NWD1: variants seen among roughly 807,000 people sequenced by gnomAD.
NWD1 encodes NACHT domain- and WD repeat-containing protein 1.
Under a neutral mutation model 135.1 loss-of-function variants are expected in NWD1, and 129 were observed. The ratio of observed to expected loss-of-function variants is 0.96; its 90% confidence interval spans 0.83 to 1.11. NWD1 has a LOEUF of 1.11. NWD1 is among the 50% of genes least tolerant of loss of function. The pLI, the probability that NWD1 is intolerant of heterozygous loss-of-function variation, is 0.00. For missense variants in NWD1, 1,740 were observed against 1,851.3 expected (o/e 0.94, Z 1.10); for synonymous variants, 773 against 786.0 (o/e 0.98, Z 0.28).
chr19:16,789,811 A>G (rs1159260844), intron 13 of NWD1, among the ~76,000 whole-genome samples: 1 of 142,136 alleles, frequency 7.0e-6, no homozygotes, highest in African/African-American at 2.7e-5. Flanking sequence ...TCCACCTCCC[A>G]GGTTGAAGTG....
At chr19:16,760,911 G>A (rs7253335) in intron 7 of NWD1, among the ~76,000 whole-genome samples, 6,752 of 152,212 alleles carry the variant, frequency 0.044, 489 homozygotes, top group African/African-American at 0.15. Flanking sequence ...GTTGACAATT[G>A]AGTGGTATTT....
Position 16,804,575 on chromosome 19 carries a change from A to G in NWD1, c.3737-3011A>G, listed in dbSNP as rs539165411. ...ATGCCACTGCACTCCAGCCTGGGCA[A>G]CAGAGACCCTGTCTCTCTGTTTTTT... On this transcript the variant is annotated intron_variant, in intron 17 of 18. Transcript: ENST00000524140. Among the ~76,000 whole-genome samples, 62 of 151,796 alleles carry G rather than the reference A, an allele frequency of 4.1e-4. No homozygotes were observed. The South Asian group carries it at 0.013, about 31-fold the overall frequency.
rs757039549 is a variant in NWD1 at position 16,807,786 on chromosome 19, C to T, written c.3937C>T (p.Arg1313Cys). The change falls in exon 18 of 19, where the codon CGC (arginine) becomes TGC (cysteine). Residue 1313 changes from arginine to cysteine, a missense_variant. Transcript: ENST00000524140. ...NCMSLSKCED[R>C]LAIAYDNIVL... ...CATGTCCCTGAGCAAGTGCGAGGAC[C>T]GCCTGGCCATCGCCTATGACAACAT... 26 of 1,613,764 alleles carry T rather than the reference C, an allele frequency of 1.6e-5. No individual in the cohort carries two copies. The highest frequency in any genetic ancestry group is 9.9e-5 in the South Asian group (9 of 91,074).
chr19:16,789,238 T>G, intron 13 of NWD1, 48 bp downstream of exon 13: 1 of 1,486,766 alleles, frequency 6.7e-7, no homozygotes, highest in Non-Finnish European at 9.3e-7. Context: ...GACCAGAGCA[T>G]TCAAAGACAG....
At chr19:16,753,188 G>C (rs1288634429) in intron 6 of NWD1, among the ~76,000 whole-genome samples, 1 of 152,044 alleles carries the variant, frequency 6.6e-6, no homozygotes, top group African/African-American at 2.4e-5. Flanking sequence ...CTCTTCCTTC[G>C]GCCCCTCTGG....
intron 14 of NWD1, 64 bp downstream of exon 14, chr19:16,791,686 G>A: frequency 6.8e-7 from 1 of 1,473,168 alleles, no homozygotes; most frequent in Admixed American, 1.8e-5. Flanking sequence ...AGATGTGCTA[G>A]AAGTTGGGAA....
At chr19:16,763,691 A>T (rs1599487292) in intron 8 of NWD1, 137 bp from the exon 9 acceptor site, 2 of 651,148 alleles carry the variant, frequency 3.1e-6, no homozygotes, top group East Asian at 5.4e-5. Flanking sequence ...CAATGGGCAC[A>T]TGGGGGTATG....
chr19:16,736,598 C>T (rs1187602062), intron 3 of NWD1, 36 bp from the exon 4 acceptor site: 5 of 1,296,264 alleles, frequency 3.9e-6, no homozygotes, highest in Non-Finnish European at 5.4e-6. Flanking sequence ...ACCTGTCATG[C>T]CACCTCTCTG....
chr19:16,749,964 A>G lies in NWD1; in HGVS notation c.1322A>G (p.Asp441Gly). 7 of 1,613,696 alleles carry G rather than the reference A, an allele frequency of 4.3e-6. No homozygotes were observed. Among genetic ancestry groups the G allele is most frequent in the Non-Finnish European group, 5.9e-6 (7 of 1,180,002 alleles). Residue 441 changes from aspartate to glycine, a missense_variant, in exon 6 of 19, where the codon GAC becomes GGC. Coordinates refer to ENST00000524140, the MANE Select transcript of NWD1 (RefSeq NM_001007525.5). Reference protein sequence around the residue: ...SLVLLLDAMDDLDSVRHARRV... With the variant: ...SLVLLLDAMDGLDSVRHARRV... ...GTGCTCCTGCTGGATGCTATGGATG[A>G]CCTGGACTCTGTCCGCCATGCTCGG... is the stretch of plus-strand genomic sequence containing the variant.
intron 6 of NWD1, 70 bp from the exon 7 acceptor site, chr19:16,759,155 T>G: frequency 1.5e-6 from 2 of 1,348,386 alleles, no homozygotes; most frequent in African/African-American, 2.9e-5. Context: ...CCTCCCTCTC[T>G]TGGATTCTGC....
intron 12 of NWD1, among the ~76,000 whole-genome samples, chr19:16,786,962 T>C (rs1486295266): frequency 6.6e-6 from 1 of 152,192 alleles, no homozygotes; most frequent in Non-Finnish European, 1.5e-5. Flanking sequence ...CATTTGTCTG[T>C]TATATGTTGC....
At chr19:16,787,068 C>T (rs1473386331) in intron 12 of NWD1, among the ~76,000 whole-genome samples, 1 of 152,114 alleles carries the variant, frequency 6.6e-6, no homozygotes, top group Non-Finnish European at 1.5e-5. Flanking sequence ...GTCAGTTTTT[C>T]CCCTTTATGC....
rs142060061 is a variant in NWD1, at chr19:16,737,954, G to A, written c.198+1204G>A. Reference sequence around the variant, plus strand: ...TACTCCAGCCTGGGCGACAGAGCAAGACTCTATCTCGAAAAGAAAAGAAAA... The same window carrying A: ...TACTCCAGCCTGGGCGACAGAGCAAAACTCTATCTCGAAAAGAAAAGAAAA... On this transcript the variant is annotated intron_variant, in intron 4 of 18. Coordinates refer to ENST00000524140, the MANE Select transcript of NWD1 (RefSeq NM_001007525.5). Among the ~76,000 whole-genome samples the A allele has an allele frequency of 3.9e-3, 467 of 119,644 alleles. 5 individuals are homozygous for A. The highest frequency in any genetic ancestry group is 0.019 in the African/African-American group (449 of 23,580). 78.5% of individuals were successfully genotyped at this position (119,644 alleles called of 152,430 possible). A position where few individuals can be genotyped will look rare whatever the true frequency, so the allele number is the denominator to read the frequency against.
chr19:16,797,065 A>T (rs1490709268), intron 15 of NWD1, among the ~76,000 whole-genome samples: 1 of 151,872 alleles, frequency 6.6e-6, no homozygotes, highest in Non-Finnish European at 1.5e-5. Flanking sequence ...CTACAAGCCC[A>T]GCTACTCAGG....
rs1338545114 is a variant in NWD1 at position 16,759,083 on chromosome 19, G to A, written c.1770-142G>A. The A allele has an allele frequency of 1.2e-5, 8 of 675,438 alleles. No homozygotes were observed. The East Asian group carries it at 1.9e-4, about 16-fold the overall frequency. 41.8% of individuals were successfully genotyped at this position (675,438 alleles called of 1,614,324 possible). On this transcript the variant is annotated intron_variant, in intron 6 of 18. Coordinates refer to ENST00000524140, the MANE Select transcript of NWD1 (RefSeq NM_001007525.5). ...TTGCCCTAACCGTGCTTGGTACCTT[G>A]TGGGCGCTGTCCAAATGCTGATCCC...
In NWD1 at chr19:16,762,004, C is replaced by T. The variant is rs773520131; in HGVS notation, c.1999C>T (p.Arg667Cys). ...ACAGCTGGTCGAGGTGGTCCGTGAG[C>T]GCTACCTGTCAGGATCCGAGAGAGC... is the stretch of plus-strand genomic sequence containing the variant. Reference protein sequence around the residue: ...HRQLVEVVRERYLSGSERAKR... With the variant: ...HRQLVEVVRECYLSGSERAKR... Residue 667 changes from arginine (R) to cysteine (C), a missense_variant, in exon 8 of 19, where the codon CGC becomes TGC. Arg to Cys is a radical substitution (Grantham distance 180). Coordinates refer to ENST00000524140, the MANE Select transcript of NWD1 (RefSeq NM_001007525.5). 5.6e-6 allele frequency: 9 copies of T among 1,613,876 alleles called. No individual in the cohort carries two copies. Among genetic ancestry groups the T allele is most frequent in the Admixed American group, 3.3e-5 (2 of 59,974 alleles).
At chr19:16,737,559 G>A (rs1967873857) in intron 4 of NWD1, among the ~76,000 whole-genome samples, 1 of 148,942 alleles carries the variant, frequency 6.7e-6, no homozygotes, top group African/African-American at 2.5e-5. Context: ...ACCTGGTCTA[G>A]TTTTAAGTTT....
chr19:16,780,729 C>G (rs1969825728), intron 12 of NWD1, among the ~76,000 whole-genome samples: 1 of 152,032 alleles, frequency 6.6e-6, no homozygotes, highest in Non-Finnish European at 1.5e-5. Context: ...ACAATCTCAG[C>G]TCACTGCACT....
chr19:16,734,814 G>A (rs1967727521), intron 3 of NWD1, among the ~76,000 whole-genome samples: 4 of 151,742 alleles, frequency 2.6e-5, no homozygotes, highest in African/African-American at 7.3e-5. Flanking sequence ...TCAAACTCCC[G>A]GCCTCAAGAG....
Sources: allele counts gnomAD v4.1 joint callset (sites outside exome capture counted in the v4.1 genomes callset), GRCh38; gene constraint gnomAD v4.1.1; transcripts MANE v1.5; gene names NCBI Gene and HGNC (gene_info 2026-07-23, HGNC 2026-07-21).